CERS6: variants seen among roughly 807,000 people sequenced by gnomAD.
The protein encoded by CERS6 is ceramide synthase 6, also known as LAG1 homolog, ceramide synthase 6.
Under a neutral mutation model 56.8 loss-of-function variants are expected in CERS6, and 26 were observed. The ratio of observed to expected loss-of-function variants is 0.46; its 90% confidence interval spans 0.34 to 0.63. CERS6 has a LOEUF of 0.63. Ranked by LOEUF, CERS6 falls within the 30% of genes least tolerant of loss-of-function variation. CERS6 has a pLI of 0.01. For synonymous variants in CERS6, 164 were observed against 173.3 expected (o/e 0.95, Z 0.42); for missense variants, 415 against 467.5 (o/e 0.89, Z 1.04).
intron 1 of CERS6, among the ~76,000 whole-genome samples, chr2:168,491,505 A>G (rs1483742915): frequency 1.3e-5 from 2 of 152,078 alleles, no homozygotes; most frequent in Non-Finnish European, 2.9e-5. Flanking sequence ...TTCAATAATG[A>G]AAGTGATAAA....
intron 4 of CERS6, among the ~76,000 whole-genome samples, chr2:168,675,332 C>T (rs1686030298): frequency 6.6e-6 from 1 of 152,052 alleles, no homozygotes; most frequent in Admixed American, 6.5e-5. Context: ...TGCCTGTAAT[C>T]CCAGCACTTT....
intron 3 of CERS6, among the ~76,000 whole-genome samples, chr2:168,590,746 A>G (rs1218554635): frequency 6.6e-6 from 1 of 152,222 alleles, no homozygotes; most frequent in Non-Finnish European, 1.5e-5. Flanking sequence ...CTATTAATAC[A>G]TTGATTAACT....
chr2:168,518,121 T>C (rs917715511), intron 1 of CERS6, among the ~76,000 whole-genome samples: 11 of 152,222 alleles, frequency 7.2e-5, no homozygotes, highest in African/African-American at 2.2e-4. Context: ...TTATTTTTCA[T>C]TGGGAATCTA....
At chr2:168,736,057 C>A (rs1683707886) in intron 8 of CERS6, among the ~76,000 whole-genome samples, 2 of 151,968 alleles carry the variant, frequency 1.3e-5, no homozygotes, top group South Asian at 4.2e-4. Flanking sequence ...CTATGAAAAA[C>A]TGTAAAAATT....
At chr2:168,726,061 T>C (rs758443843) in intron 8 of CERS6, among the ~76,000 whole-genome samples, 3 of 152,248 alleles carry the variant, frequency 2.0e-5, no homozygotes, top group Non-Finnish European at 4.4e-5. Context: ...CTCAAACTCA[T>C]TGTAACATCC....
chr2:168,533,608 A>C (rs1223949000), intron 1 of CERS6, among the ~76,000 whole-genome samples: 1 of 152,062 alleles, frequency 6.6e-6, no homozygotes. Flanking sequence ...GCTTCCCTTT[A>C]TATGTGACCT....
Position 168,736,474 on chromosome 2 carries a change from T to A in CERS6, c.845+18496T>A, listed in dbSNP as rs12624176. 4.6e-5 allele frequency among the ~76,000 whole-genome samples: 7 copies of A among 152,180 alleles called. No individual in the cohort carries two copies. In the East Asian group the frequency reaches 9.7e-4, roughly 21 times the overall value. On this transcript the variant is annotated intron_variant, in intron 8 of 9. Coordinates refer to ENST00000305747, the MANE Select transcript of CERS6 (RefSeq NM_203463.3). ...CCCAAGCACGGGCACTACAGGCGTG[T>A]CCACTGTGCCCAGCTAATTAAGAAA...
At chr2:168,508,986 A>G (rs1429447184) in intron 1 of CERS6, among the ~76,000 whole-genome samples, 1 of 152,108 alleles carries the variant, frequency 6.6e-6, no homozygotes, top group Admixed American at 6.6e-5. Context: ...TCTTGAGTTA[A>G]TTGTGGAGTT....
At chr2:168,519,786 A>T (rs982189726) in intron 1 of CERS6, among the ~76,000 whole-genome samples, 1 of 152,038 alleles carries the variant, frequency 6.6e-6, no homozygotes, top group Non-Finnish European at 1.5e-5. Context: ...GTAATTGTGG[A>T]TTTTGCCATT....
intron 4 of CERS6, among the ~76,000 whole-genome samples, chr2:168,660,108 A>G (rs1347625970): frequency 2.6e-5 from 4 of 152,242 alleles, no homozygotes; most frequent in African/African-American, 4.8e-5. Flanking sequence ...ACATGTTTAC[A>G]TGGCTGGCTG....
chr2:168,481,423 C>A (rs116263197), intron 1 of CERS6, among the ~76,000 whole-genome samples: 2 of 151,884 alleles, frequency 1.3e-5, no homozygotes, highest in Non-Finnish European at 2.9e-5. Flanking sequence ...CAAAAAAAAA[C>A]GGACAGTTAC....
At chr2:168,722,260 A>T (rs1683202998) in intron 8 of CERS6, among the ~76,000 whole-genome samples, 1 of 152,156 alleles carries the variant, frequency 6.6e-6, no homozygotes, top group Admixed American at 6.5e-5. Flanking sequence ...TTCCTTGATG[A>T]TGTCCTTTGA....
intron 3 of CERS6, among the ~76,000 whole-genome samples, chr2:168,579,972 A>G (rs774504044): frequency 4.6e-5 from 7 of 152,174 alleles, no homozygotes; most frequent in Non-Finnish European, 1.0e-4. Context: ...GATAATCACA[A>G]CGCCACTTTT....
At chr2:168,516,195 T>A (rs1256030176) in intron 1 of CERS6, among the ~76,000 whole-genome samples, 1 of 152,154 alleles carries the variant, frequency 6.6e-6, no homozygotes, top group South Asian at 2.1e-4. Context: ...GGCTAAGATG[T>A]CATAACATCT....
intron 8 of CERS6, among the ~76,000 whole-genome samples, chr2:168,725,539 C>G (rs1229269875): frequency 1.3e-5 from 2 of 152,244 alleles, no homozygotes; most frequent in African/African-American, 4.8e-5. Flanking sequence ...ACTGTTGATA[C>G]AATTAACAAC....
At chr2:168,673,417 A>G (rs1415689997) in intron 4 of CERS6, among the ~76,000 whole-genome samples, 1 of 152,224 alleles carries the variant, frequency 6.6e-6, no homozygotes, top group Non-Finnish European at 1.5e-5. Flanking sequence ...ACCAAAAAAA[A>G]GGAAAAGGGA....
chr2:168,523,047 G>A (rs1695009730), intron 1 of CERS6, among the ~76,000 whole-genome samples: 1 of 152,208 alleles, frequency 6.6e-6, no homozygotes, highest in Non-Finnish European at 1.5e-5. Context: ...AACAGTACCT[G>A]ATTGATACTG....
chr2:168,688,802 G>A (rs931877615), intron 4 of CERS6, among the ~76,000 whole-genome samples: 8 of 152,110 alleles, frequency 5.3e-5, no homozygotes, highest in African/African-American at 1.7e-4. Flanking sequence ...GTGCACAGGA[G>A]CCCAAAAAGA....
At chr2:168,687,222 G>A (rs1352717560) in intron 4 of CERS6, among the ~76,000 whole-genome samples, 1 of 152,258 alleles carries the variant, frequency 6.6e-6, no homozygotes, top group East Asian at 1.9e-4. Flanking sequence ...TTTACTAGCA[G>A]TGGTTCTTCT....
Sources: gnomAD v4.1 joint callset for allele counts (sites outside exome capture counted in the v4.1 genomes callset) on GRCh38, gnomAD v4.1.1 for gene constraint, MANE v1.5 for transcripts, NCBI Gene and HGNC (gene_info 2026-07-23, HGNC 2026-07-21) for gene names.